CEMIP: variants seen among roughly 807,000 people sequenced by gnomAD.
CEMIP encodes the protein cell migration-inducing and hyaluronan-binding protein.
Under a neutral mutation model 156.9 loss-of-function variants are expected in CEMIP, and 105 were observed. The ratio of observed to expected loss-of-function variants is 0.67; its 90% confidence interval spans 0.57 to 0.79. The LOEUF (loss-of-function observed/expected upper bound fraction) is 0.79. Among genes scored for constraint, CEMIP ranks in the 30% least tolerant of loss-of-function variants. The probability of loss-of-function intolerance (pLI) is 0.00; values close to 1 mark genes in which losing one functional copy is unlikely to be tolerated. For synonymous variants in CEMIP, 676 were observed against 668.4 expected (o/e 1.01, Z -0.17); for missense variants, 1,457 against 1,769.4 (o/e 0.82, Z 3.17).
intron 13 of CEMIP, among the ~76,000 whole-genome samples, chr15:80,907,720 T>C (rs1413222827): frequency 1.3e-5 from 2 of 152,212 alleles, no homozygotes; most frequent in African/African-American, 2.4e-5. Flanking sequence ...TACGTTTTCC[T>C]AGTATTAAGC....
chr15:80,948,965 C>T lies in CEMIP; in HGVS notation c.*41C>T, dbSNP rs779131271. ...GGTGCCACCTCGTGGTAGACTATGA[C>T]GGTGACTCTTGGCAGCAGACCAGTG... On this transcript the variant is annotated 3_prime_UTR_variant, in exon 30 of 30. Transcript: ENST00000394685. 5.6e-6 allele frequency: 9 copies of T among 1,613,112 alleles called. No individual in the cohort carries two copies. The highest frequency in any genetic ancestry group is 4.0e-5 in the African/African-American group (3 of 74,902).
At chr15:80,800,558 C>T (rs1896350423) in intron 1 of CEMIP, among the ~76,000 whole-genome samples, 1 of 152,164 alleles carries the variant, frequency 6.6e-6, no homozygotes, top group Non-Finnish European at 1.5e-5. Context: ...CCTTGATTTT[C>T]ATGTCATTTT....
intron 1 of CEMIP, among the ~76,000 whole-genome samples, chr15:80,788,927 C>G (rs1383160540): frequency 6.6e-6 from 1 of 151,914 alleles, no homozygotes; most frequent in Non-Finnish European, 1.5e-5. Context: ...TTGACCCTAT[C>G]TTTATTTAGA....
At chr15:80,916,258 C>T (rs1900270137) in intron 14 of CEMIP, among the ~76,000 whole-genome samples, 1 of 152,206 alleles carries the variant, frequency 6.6e-6, no homozygotes, top group Non-Finnish European at 1.5e-5. Context: ...TCACACCCTC[C>T]CCCGCCACTG....
intron 1 of CEMIP, among the ~76,000 whole-genome samples, chr15:80,816,897 G>A (rs1002529633): frequency 2.0e-5 from 3 of 152,052 alleles, no homozygotes; most frequent in Non-Finnish European, 2.9e-5. Flanking sequence ...CAAACAAAGC[G>A]GCAGACGGGG....
chr15:80,935,101 G>T, intron 23 of CEMIP, among the ~76,000 whole-genome samples: 1 of 152,196 alleles, frequency 6.6e-6, no homozygotes, highest in Non-Finnish European at 1.5e-5. Context: ...GGGAGAGGCG[G>T]AGCTGTGCAA....
intron 12 of CEMIP, chr15:80,897,180 C>T: frequency 2.3e-6 from 1 of 442,506 alleles, no homozygotes; most frequent in South Asian, 1.6e-5. Context: ...CAGGACCATA[C>T]CACCTGGAGG....
chr15:80,922,256 C>A, intron 17 of CEMIP, 119 bp downstream of exon 17: 1 of 1,351,112 alleles, frequency 7.4e-7, no homozygotes, highest in Non-Finnish European at 1.1e-6. Flanking sequence ...ATTCTTAATG[C>A]TGGTCTCGAA....
chr15:80,789,152 G>A (rs1896017821), intron 1 of CEMIP, among the ~76,000 whole-genome samples: 1 of 152,172 alleles, frequency 6.6e-6, no homozygotes, highest in African/African-American at 2.4e-5. Context: ...ATCCCAGTTG[G>A]TGTGGGTTCT....
chr15:80,894,840 T>C (rs1006710882), intron 10 of CEMIP, 150 bp from the exon 11 acceptor site: 2 of 940,884 alleles, frequency 2.1e-6, no homozygotes, highest in Non-Finnish European at 3.4e-6. Flanking sequence ...ATGGGGGCAA[T>C]CATTGGGATA....
chr15:80,905,411 T>C (rs941364025), intron 12 of CEMIP, among the ~76,000 whole-genome samples: 1 of 152,006 alleles, frequency 6.6e-6, no homozygotes, highest in Non-Finnish European at 1.5e-5. Context: ...GAGTGTGGGA[T>C]TGTTGTGGAG....
At chr15:80,825,248 G>A (rs1897005670) in intron 1 of CEMIP, among the ~76,000 whole-genome samples, 1 of 152,214 alleles carries the variant, frequency 6.6e-6, no homozygotes. Flanking sequence ...GTGTGTGTGT[G>A]TGTGTGCATG....
At chr15:80,861,059 C>G (rs1181924274) in intron 1 of CEMIP, among the ~76,000 whole-genome samples, 1 of 152,094 alleles carries the variant, frequency 6.6e-6, no homozygotes, top group African/African-American at 2.4e-5. Flanking sequence ...TCTATTCTTC[C>G]TCCTGTAACC....
At chr15:80,866,220 C>T (rs924585520) in intron 1 of CEMIP, among the ~76,000 whole-genome samples, 2 of 152,192 alleles carry the variant, frequency 1.3e-5, no homozygotes, top group African/African-American at 2.4e-5. Flanking sequence ...GGAACTGTAG[C>T]ATCTCTCCTC....
At chr15:80,787,519 GC>G (rs1567047357) in intron 1 of CEMIP, among the ~76,000 whole-genome samples, 1 of 152,194 alleles carries the variant, frequency 6.6e-6, no homozygotes, top group Non-Finnish European at 1.5e-5. Context: ...GGGGAATCCA[GC>G]CCCCTGTCTG....
intron 1 of CEMIP, among the ~76,000 whole-genome samples, chr15:80,789,308 C>T (rs2083199780): frequency 6.6e-6 from 1 of 152,218 alleles, no homozygotes; most frequent in South Asian, 2.1e-4. Context: ...CGTGTGTCCT[C>T]TTCAGACTTG....
At chr15:80,816,759 G>A (rs148179382) in intron 1 of CEMIP, among the ~76,000 whole-genome samples, 12 of 152,242 alleles carry the variant, frequency 7.9e-5, no homozygotes, top group Admixed American at 1.3e-4. Context: ...GAGGTCAAAC[G>A]AGGGTGAGAG....
intron 1 of CEMIP, among the ~76,000 whole-genome samples, chr15:80,829,178 A>C (rs1897101506): frequency 1.3e-5 from 2 of 152,044 alleles, no homozygotes; most frequent in Admixed American, 6.6e-5. Flanking sequence ...TTCAACTCCC[A>C]CCTTGAAATA....
At chr15:80,817,602 AAATAATAATAATAAT>A (rs59356064) in intron 1 of CEMIP, among the ~76,000 whole-genome samples, 6 of 138,760 alleles carry the variant, frequency 4.3e-5, no homozygotes, top group South Asian at 2.5e-4. Flanking sequence ...CCCTGTCTCA[AAATAATAATAATAAT>A]AATAATAATA....
Sources: allele counts gnomAD v4.1 joint callset (sites outside exome capture counted in the v4.1 genomes callset), GRCh38; gene constraint gnomAD v4.1.1; transcripts MANE v1.5; gene names NCBI Gene and HGNC (gene_info 2026-07-23, HGNC 2026-07-21).